The following RORB variants were observed in gnomAD, a reference collection of about 807,000 sequenced individuals.
The protein encoded by RORB is nuclear receptor ROR-beta.
In RORB, 6 loss-of-function variants were observed where a neutral mutation model predicts 59.1. The ratio of observed to expected loss-of-function variants is 0.10; its 90% CI spans 0.06 to 0.20. The LOEUF is 0.20. Among genes scored for constraint, RORB ranks in the 10% least tolerant of loss-of-function variants. The probability of loss-of-function intolerance (pLI) is 1.00; values close to 1 mark genes in which losing one functional copy is unlikely to be tolerated. For synonymous variants in RORB, 215 were observed against 204.5 expected, an observed-to-expected ratio of 1.05 and a Z score of -0.44; for missense variants, 320 against 560.5, an observed-to-expected ratio of 0.57 and a Z score of 4.33.
At chr9:74,610,803 A>T (rs1258153785) in intron 1 of RORB, among the ~76,000 whole-genome samples, 1 of 152,152 alleles carries the variant, frequency 6.6e-6, no homozygotes, top group African/African-American at 2.4e-5. Context: ...ACCATCCAGA[A>T]AGCTAGTGAA....
chr9:74,518,984 G>C (rs1053643370), intron 1 of RORB, among the ~76,000 whole-genome samples: 7 of 151,824 alleles, frequency 4.6e-5, no homozygotes, highest in Non-Finnish European at 2.9e-5. Flanking sequence ...GTAAGGTAAG[G>C]GTCGTGTATA....
chr9:74,648,236 C>G (rs942261482), intron 4 of RORB, among the ~76,000 whole-genome samples: 1 of 152,186 alleles, frequency 6.6e-6, no homozygotes, highest in Admixed American at 6.5e-5. Context: ...CATCTAACCC[C>G]TCTCTCACCC....
chr9:74,626,997 A>C (rs1040078140), intron 1 of RORB, among the ~76,000 whole-genome samples: 31 of 152,174 alleles, frequency 2.0e-4, no homozygotes, highest in African/African-American at 7.2e-4. Context: ...CCCCGTCTCT[A>C]CTAAAAATAC....
intron 1 of RORB, among the ~76,000 whole-genome samples, chr9:74,584,916 T>C (rs1045592399): frequency 6.6e-5 from 10 of 152,168 alleles, no homozygotes; most frequent in Admixed American, 5.2e-4. Flanking sequence ...GAAGTTGTGT[T>C]GTTGGATACA....
At chr9:74,504,139 C>A (rs1825838128) in intron 1 of RORB, among the ~76,000 whole-genome samples, 1 of 151,906 alleles carries the variant, frequency 6.6e-6, no homozygotes, top group South Asian at 2.1e-4. Context: ...TTTGGTGGCT[C>A]TGTAATAAGT....
chr9:74,502,139 G>A (rs190583513), intron 1 of RORB, among the ~76,000 whole-genome samples: 282 of 152,090 alleles, frequency 1.9e-3, no homozygotes, highest in African/African-American at 6.6e-3. Context: ...ACTATGATCA[G>A]CCATAAAAAC....
chr9:74,602,063 C>T (rs1015654084), intron 1 of RORB, among the ~76,000 whole-genome samples: 1 of 152,188 alleles, frequency 6.6e-6, no homozygotes, highest in Non-Finnish European at 1.5e-5. Flanking sequence ...CCCACTATGT[C>T]ATCATGGCAC....
intron 1 of RORB, among the ~76,000 whole-genome samples, chr9:74,606,185 T>A (rs1379773519): frequency 6.6e-6 from 1 of 152,206 alleles, no homozygotes; most frequent in Non-Finnish European, 1.5e-5. Context: ...ATGCTCTCAA[T>A]CCATGCTAGC....
chr9:74,663,440 A>G (rs765731852), intron 6 of RORB, among the ~76,000 whole-genome samples: 3 of 152,220 alleles, frequency 2.0e-5, no homozygotes, highest in Non-Finnish European at 4.4e-5. Flanking sequence ...AGTACACGGC[A>G]AAGTTGGCAT....
At chr9:74,517,993 T>A (rs1336607219) in intron 1 of RORB, among the ~76,000 whole-genome samples, 2 of 152,046 alleles carry the variant, frequency 1.3e-5, no homozygotes, top group African/African-American at 4.8e-5. Flanking sequence ...TTAAGTCATT[T>A]GTCCAAAGTT....
At position 74,661,206 on chromosome 9, in the gene RORB, C is replaced by A. The variant is rs558813655; in HGVS notation, c.759+468C>A. Among the ~76,000 whole-genome samples the A allele has an allele frequency of 2.8e-3, 419 of 152,242 alleles. 2 individuals carry two copies. The highest frequency in any genetic ancestry group is 9.7e-3 in the African/African-American group (404 of 41,530). The stretch of plus-strand genomic sequence containing the variant: ...GTTAAAAAGAATCCAAAAAACAGGA[C>A]AACTCATCCCATATTTTCATTATTA... On this transcript the variant is annotated intron_variant, in intron 5 of 9. Transcript: ENST00000376896.
chr9:74,588,818 A>G (rs916524925), intron 1 of RORB, among the ~76,000 whole-genome samples: 2 of 152,164 alleles, frequency 1.3e-5, no homozygotes, highest in Non-Finnish European at 2.9e-5. Flanking sequence ...TCAAAGCAAG[A>G]TATCTTTTAA....
chr9:74,634,574 G>A (rs1483042157), intron 2 of RORB, 57 bp from the exon 3 acceptor site: 8 of 1,473,040 alleles, frequency 5.4e-6, no homozygotes, highest in Admixed American at 2.3e-5. Flanking sequence ...ATACATTAAT[G>A]TTCTCTGTTT....
chr9:74,506,732 C>T (rs986301644), intron 1 of RORB, among the ~76,000 whole-genome samples: 11 of 152,090 alleles, frequency 7.2e-5, no homozygotes, highest in African/African-American at 2.7e-4. Flanking sequence ...TCTGCATTAG[C>T]ATGAATCTCA....
chr9:74,560,741 T>C (rs528095715), intron 1 of RORB, among the ~76,000 whole-genome samples: 2 of 152,082 alleles, frequency 1.3e-5, no homozygotes, highest in South Asian at 4.1e-4. Flanking sequence ...TATTGATAAA[T>C]GGTACGTGAT....
intron 1 of RORB, among the ~76,000 whole-genome samples, chr9:74,603,216 G>C (rs1052455628): frequency 6.6e-6 from 1 of 152,184 alleles, no homozygotes; most frequent in Admixed American, 6.5e-5. Context: ...CCAACCTTCA[G>C]TGATGAAGAA....
chr9:74,534,862 A>G (rs1011807992), intron 1 of RORB, among the ~76,000 whole-genome samples: 8 of 152,080 alleles, frequency 5.3e-5, no homozygotes, highest in Non-Finnish European at 1.0e-4. Flanking sequence ...TCTCAACCAC[A>G]AAATCAGACT....
chr9:74,627,097 G>T (rs2118405596), intron 1 of RORB, among the ~76,000 whole-genome samples: 2 of 151,374 alleles, frequency 1.3e-5, no homozygotes, highest in East Asian at 3.9e-4. Flanking sequence ...GGGAGGCGGA[G>T]GTTGCAGTGA....
chr9:74,622,495 C>A (rs1823438275), intron 1 of RORB, among the ~76,000 whole-genome samples: 1 of 144,840 alleles, frequency 6.9e-6, no homozygotes, highest in South Asian at 2.2e-4. Flanking sequence ...GTATATGAAT[C>A]ACAGAGATGC....
Sources: gnomAD v4.1 joint callset for allele counts (sites outside exome capture counted in the v4.1 genomes callset) on GRCh38, gnomAD v4.1.1 for gene constraint, MANE v1.5 for transcripts, NCBI Gene and HGNC (gene_info 2026-07-23, HGNC 2026-07-21) for gene names.